The following PLD1 variants were observed in gnomAD, a reference collection of about 807,000 sequenced individuals.
The protein encoded by PLD1 is phospholipase D1, also known as choline phosphatase 1.
PLD1 carries 112 observed loss-of-function variants against 137.1 expected under a neutral mutation model. The observed-to-expected ratio is 0.82, with a 90% confidence interval of 0.70 to 0.96. PLD1 has a LOEUF of 0.96. Among genes scored for constraint, PLD1 ranks in the 40% least tolerant of loss-of-function variants. PLD1 has a pLI of 0.00. For missense variants in PLD1, 1,321 were observed against 1,342.0 expected (o/e 0.98, Z 0.24); for synonymous variants, 431 against 454.7 (o/e 0.95, Z 0.66).
intron 23 of PLD1, among the ~76,000 whole-genome samples, chr3:171,636,945 TTTG>T (rs1464538365): frequency 6.6e-6 from 1 of 152,280 alleles, no homozygotes; most frequent in Non-Finnish European, 1.5e-5. Context: ...GTATTCCAAG[TTTG>T]TTGAGGTTTT....
intron 23 of PLD1, among the ~76,000 whole-genome samples, chr3:171,639,550 TTCA>T: frequency 9.7e-6 from 1 of 103,048 alleles, no homozygotes; most frequent in East Asian, 2.4e-4. Context: ...TAAATATATA[TTCA>T]TATAATATAT....
intron 1 of PLD1, among the ~76,000 whole-genome samples, chr3:171,776,145 G>A (rs574978645): frequency 1.3e-5 from 2 of 152,190 alleles, no homozygotes; most frequent in Non-Finnish European, 2.9e-5. Context: ...GAACCCAAAC[G>A]TGCCTTGAAG....
chr3:171,716,790 T>G (rs1717716379), intron 8 of PLD1, among the ~76,000 whole-genome samples: 1 of 152,222 alleles, frequency 6.6e-6, no homozygotes, highest in Non-Finnish European at 1.5e-5. Context: ...CAATTACTTT[T>G]GGTGTCTTCA....
intron 19 of PLD1, among the ~76,000 whole-genome samples, chr3:171,673,978 T>C (rs140358696): frequency 0.015 from 2,251 of 152,118 alleles, 35 homozygotes; most frequent in Non-Finnish European, 0.022. Flanking sequence ...CGGCCCTAGA[T>C]AGGCCTCAGA....
At chr3:171,668,431 A>C (rs941212044) in intron 19 of PLD1, among the ~76,000 whole-genome samples, 2 of 152,222 alleles carry the variant, frequency 1.3e-5, no homozygotes, top group African/African-American at 4.8e-5. Flanking sequence ...TTCAGATCTA[A>C]CAGATCCTTG....
Position 171,620,410 on chromosome 3 carries a change from C to G in PLD1, c.2704G>C (p.Ala902Pro). ...LIYVHSKLLI[A>P]DDNTVIIGSA... Reference sequence around the variant, plus strand: ...CCAATAATAACAGTGTTATCATCAGCAATTAACAACTTGCTGTGGACATAG... The same window carrying G: ...CCAATAATAACAGTGTTATCATCAGGAATTAACAACTTGCTGTGGACATAG... The change falls in exon 24 of 27, where the codon GCT becomes CCT. Residue 902 changes from alanine to proline, a missense_variant. Coordinates refer to ENST00000351298, the MANE Select transcript of PLD1 (RefSeq NM_002662.5). The G allele has an allele frequency of 1.3e-6, 2 of 1,597,602 alleles. No homozygotes were observed. The highest frequency in any genetic ancestry group is 8.6e-7 in the Non-Finnish European group (1 of 1,168,200).
chr3:171,663,720 T>C (rs1469162836), intron 19 of PLD1, among the ~76,000 whole-genome samples: 2 of 152,204 alleles, frequency 1.3e-5, no homozygotes, highest in East Asian at 3.8e-4. Flanking sequence ...ATATAGTAGG[T>C]GCTTAAACAA....
At chr3:171,772,629 A>G (rs1722418957) in intron 1 of PLD1, among the ~76,000 whole-genome samples, 1 of 152,194 alleles carries the variant, frequency 6.6e-6, no homozygotes, top group Admixed American at 6.5e-5. Context: ...TGACTTTAAA[A>G]GGAGCTAGTA....
chr3:171,728,273 G>GC (rs1365966374), intron 6 of PLD1, among the ~76,000 whole-genome samples: 1 of 152,180 alleles, frequency 6.6e-6, no homozygotes, highest in African/African-American at 2.4e-5. Context: ...CGGAGATCGT[G>GC]CCCCTGCACT....
At chr3:171,668,098 A>T (rs1712339749) in intron 19 of PLD1, among the ~76,000 whole-genome samples, 1 of 152,178 alleles carries the variant, frequency 6.6e-6, no homozygotes, top group Non-Finnish European at 1.5e-5. Flanking sequence ...CAGTTTCCTC[A>T]TCTGTAGAAA....
intron 1 of PLD1, among the ~76,000 whole-genome samples, chr3:171,777,086 A>AT (rs1722616264): frequency 6.6e-6 from 1 of 152,208 alleles, no homozygotes; most frequent in African/African-American, 2.4e-5. Context: ...TAAAAAAAAA[A>AT]GCTGAACATT....
At chr3:171,759,163 GT>G (rs1291461270) in intron 1 of PLD1, among the ~76,000 whole-genome samples, 1 of 151,948 alleles carries the variant, frequency 6.6e-6, no homozygotes, top group African/African-American at 2.4e-5. Flanking sequence ...ATTTAAATGA[GT>G]TTTTTTCAGT....
At chr3:171,665,709 A>G (rs1712056897) in intron 19 of PLD1, among the ~76,000 whole-genome samples, 1 of 151,936 alleles carries the variant, frequency 6.6e-6, no homozygotes. Context: ...TCAAAAGAAA[A>G]AAAAAAAAGA....
At chr3:171,733,561 A>G (rs1000474261) in intron 5 of PLD1, 52 bp from the exon 6 acceptor site, 2 of 723,204 alleles carry the variant, frequency 2.8e-6, no homozygotes, top group Non-Finnish European at 5.0e-6. Flanking sequence ...TTTATTTTTA[A>G]AAATTAAACA....
At chr3:171,710,995 TC>T in intron 9 of PLD1, among the ~76,000 whole-genome samples, 1 of 148,282 alleles carries the variant, frequency 6.7e-6, no homozygotes, top group East Asian at 2.1e-4. Context: ...TGCCTCAGCC[TC>T]CCAAGTAGCT....
At chr3:171,701,733 T>C (rs1358651429) in intron 11 of PLD1, among the ~76,000 whole-genome samples, 2 of 152,256 alleles carry the variant, frequency 1.3e-5, no homozygotes, top group Non-Finnish European at 2.9e-5. Context: ...AGCATTATTA[T>C]GTAAGAATCT....
intron 16 of PLD1, among the ~76,000 whole-genome samples, chr3:171,680,714 C>G (rs999734392): frequency 2.6e-5 from 4 of 152,168 alleles, no homozygotes; most frequent in African/African-American, 9.7e-5. Context: ...TCAAGTCTTT[C>G]CTTGAGATTT....
At position 171,674,483 on chromosome 3, in the gene PLD1, A is replaced by C; in HGVS notation, c.2229+17T>G. 1 of 1,329,276 alleles carries C rather than the reference A, an allele frequency of 7.5e-7. No individual in the cohort carries two copies. Among genetic ancestry groups the C allele is most frequent in the Non-Finnish European group, 1.1e-6 (1 of 939,244 alleles). 82.3% of individuals were successfully genotyped at this position (1,329,276 alleles called of 1,614,324 possible). ...TCAGTAGCATTTTGTCAAAAAGAAA[A>C]GCCAGAACTTACTTACCTGTACGTT... is the stretch of plus-strand genomic sequence containing the variant. On this transcript the variant is annotated intron_variant, in intron 19 of 26. Coordinates refer to ENST00000351298, the MANE Select transcript of PLD1 (RefSeq NM_002662.5).
chr3:171,785,851 A>G (rs9849306), intron 1 of PLD1, among the ~76,000 whole-genome samples: 129,683 of 152,256 alleles, frequency 0.85, 55,456 homozygotes, highest in Middle Eastern at 0.95. Context: ...GGTCTAGAAC[A>G]TCCCTGTGGG....
Sources: gnomAD v4.1 joint callset for allele counts (sites outside exome capture counted in the v4.1 genomes callset) on GRCh38, gnomAD v4.1.1 for gene constraint, MANE v1.5 for transcripts, NCBI Gene and HGNC (gene_info 2026-07-23, HGNC 2026-07-21) for gene names.